ARAP2: variants seen among roughly 807,000 people sequenced by gnomAD.
ARAP2 encodes ArfGAP with RhoGAP domain, ankyrin repeat and PH domain 2.
In ARAP2, 148 loss-of-function variants were observed where a neutral mutation model predicts 194.5. The observed-to-expected ratio is 0.76, with a 90% CI of 0.67 to 0.87. The LOEUF (loss-of-function observed/expected upper bound fraction) is 0.87. Among genes scored for constraint, ARAP2 ranks in the 40% least tolerant of loss-of-function variants. ARAP2 has a pLI of 0.00. For missense variants in ARAP2, 2,128 were observed against 1,989.7 expected (o/e 1.07, Z -1.32); for synonymous variants, 695 against 683.5 (o/e 1.02, Z -0.26).
intron 2 of ARAP2, among the ~76,000 whole-genome samples, chr4:36,224,520 A>G (rs942069078): frequency 3.5e-4 from 54 of 152,280 alleles, no homozygotes; most frequent in African/African-American, 1.2e-3. Context: ...TTACAGAACT[A>G]CTGCAACACA....
intron 19 of ARAP2, among the ~76,000 whole-genome samples, chr4:36,143,840 C>T (rs12508885): frequency 0.032 from 4,925 of 151,868 alleles, 203 homozygotes; most frequent in East Asian, 0.12. Context: ...CACATGTAGA[C>T]GAAAACTTTC....
At chr4:36,169,198 G>A (rs1356977228) in intron 9 of ARAP2, among the ~76,000 whole-genome samples, 1 of 152,192 alleles carries the variant, frequency 6.6e-6, no homozygotes, top group Non-Finnish European at 1.5e-5. Context: ...TACGTGGACT[G>A]CATGTCCTTC....
chr4:36,230,326 A>G (rs1001422319), intron 1 of ARAP2, among the ~76,000 whole-genome samples: 1 of 152,240 alleles, frequency 6.6e-6, no homozygotes, highest in Non-Finnish European at 1.5e-5. Context: ...GAATATAACA[A>G]CTTTCCCTTT....
chr4:36,121,603 A>C (rs1722693688), intron 22 of ARAP2, among the ~76,000 whole-genome samples: 1 of 151,764 alleles, frequency 6.6e-6, no homozygotes, highest in African/African-American at 2.4e-5. Flanking sequence ...AAACAATTGC[A>C]AACTATAAAA....
At chr4:36,147,047 T>C (rs1247227096) in intron 19 of ARAP2, among the ~76,000 whole-genome samples, 1 of 152,092 alleles carries the variant, frequency 6.6e-6, no homozygotes, top group Non-Finnish European at 1.5e-5. Context: ...CAGAGGAATC[T>C]AGGTCTATAG....
At position 36,165,037 on chromosome 4, in the gene ARAP2, CAG is replaced by C. The variant is rs1734951773; in HGVS notation, c.2048_2049del (p.Ser683Ter). The C allele has an allele frequency of 1.2e-6, 2 of 1,614,088 alleles. No individual in the cohort carries two copies. The highest frequency in any genetic ancestry group is 1.1e-5 in the South Asian group (1 of 91,074). Reference protein sequence around the residue: ...AVQQSIAETLSDYEVAEKIWF... With the variant: ...AVQQSIAETLXDYEVAEKIWF... ...CAAATCTTCTCAGCTACTTCATAAT[CAG>C]AGAGAGTTTCTGCTATTGATTGCTG... On this transcript the variant is annotated frameshift_variant, in exon 11 of 33. Coordinates refer to ENST00000303965, the MANE Select transcript of ARAP2 (RefSeq NM_015230.4). LOFTEE classifies it high-confidence loss of function.
intron 21 of ARAP2, among the ~76,000 whole-genome samples, chr4:36,125,807 T>A (rs1462872835): frequency 6.6e-6 from 1 of 152,030 alleles, no homozygotes; most frequent in Non-Finnish European, 1.5e-5. Flanking sequence ...AAATCACTTG[T>A]GCTGACTTGG....
At chr4:36,051,866 T>C (rs1430181736) in intron 3 of ARAP2, 1 of 152,230 alleles carries the variant, frequency 6.6e-6, no homozygotes, top group African/African-American at 2.4e-5. Flanking sequence ...ATGCTGTTTG[T>C]GACGTGTGAC....
intron 3 of ARAP2, 141 bp from the exon 4 acceptor site, chr4:36,213,460 T>C: frequency 5.0e-6 from 3 of 598,522 alleles, no homozygotes; most frequent in Non-Finnish European, 5.9e-6. Context: ...ATTATGCTAA[T>C]TCTTATCCCC....
intron 8 of ARAP2, among the ~76,000 whole-genome samples, chr4:36,183,274 T>G (rs1246238113): frequency 7.9e-6 from 1 of 125,964 alleles, no homozygotes; most frequent in African/African-American, 2.9e-5. Flanking sequence ...CATTCTTATG[T>G]TCTTTTTAAA....
intron 2 of ARAP2, among the ~76,000 whole-genome samples, chr4:36,215,621 C>T (rs1463355407): frequency 1.3e-5 from 2 of 152,162 alleles, no homozygotes; most frequent in African/African-American, 4.8e-5. Flanking sequence ...ATGTCACGTA[C>T]TAGTGACAAG....
intron 9 of ARAP2, among the ~76,000 whole-genome samples, chr4:36,177,563 C>A (rs916876766): frequency 6.6e-6 from 1 of 152,030 alleles, no homozygotes; most frequent in African/African-American, 2.4e-5. Flanking sequence ...CTAAATAAGA[C>A]TTTTCAAAAA....
At position 36,214,413 on chromosome 4, in the gene ARAP2, T is replaced by C. The variant is rs561604279; in HGVS notation, c.964+9A>G. The C allele has an allele frequency of 3.7e-5, 59 of 1,593,210 alleles. No individual in the cohort carries two copies. The South Asian group carries it at 5.6e-4, about 15-fold the overall frequency. On this transcript the variant is annotated intron_variant, in intron 3 of 32. Coordinates refer to ENST00000303965, the MANE Select transcript of ARAP2 (RefSeq NM_015230.4). ...CTAATTTAAGGAGACATTAAACACA[T>C]AGACTCACTTTGCCATGCCACAGAT...
At chr4:36,225,033 AT>A (rs1749994328) in intron 2 of ARAP2, among the ~76,000 whole-genome samples, 1 of 152,194 alleles carries the variant, frequency 6.6e-6, no homozygotes. Context: ...AATATCCAAG[AT>A]TTTTATTTTT....
At chr4:36,104,366 A>T (rs1717822363) in intron 27 of ARAP2, among the ~76,000 whole-genome samples, 1 of 151,996 alleles carries the variant, frequency 6.6e-6, no homozygotes, top group African/African-American at 2.4e-5. Flanking sequence ...CAGAGAAATC[A>T]TATTTGATTT....
chr4:36,154,380 C>T (rs1731741952), intron 15 of ARAP2, among the ~76,000 whole-genome samples: 1 of 152,040 alleles, frequency 6.6e-6, no homozygotes, highest in African/African-American at 2.4e-5. Flanking sequence ...CTTCAAAATT[C>T]CTCAATGCTA....
At chr4:36,128,459 G>GTA in intron 21 of ARAP2, 74 bp downstream of exon 21, 1 of 858,230 alleles carries the variant, frequency 1.2e-6, no homozygotes, top group African/African-American at 1.8e-5. Flanking sequence ...AGGCAAGCAT[G>GTA]TATTATGGTC....
At position 36,134,830 on chromosome 4, in the gene ARAP2, T is replaced by C. The variant is rs1251108837; in HGVS notation, c.3264-1441A>G. ...TACTCCAAACCTTCCCCCAGAATTA[T>C]ACTCCAGGTAAAACTCCTTAACACT... On this transcript the variant is annotated intron_variant, in intron 19 of 32. Coordinates refer to ENST00000303965, the MANE Select transcript of ARAP2 (RefSeq NM_015230.4). Among the ~76,000 whole-genome samples, 3 of 151,562 alleles carry C rather than the reference T, an allele frequency of 2.0e-5. No homozygotes were observed. In the East Asian group the frequency reaches 5.8e-4, roughly 29 times the overall value.
intron 6 of ARAP2, among the ~76,000 whole-genome samples, chr4:36,204,987 C>CAAAAAAA (rs754960122): frequency 8.6e-5 from 3 of 35,084 alleles, no homozygotes; most frequent in Admixed American, 4.9e-4. Context: ...GACTCCATCT[C>CAAAAAAA]AAAAAAAAAA....
Sources: allele counts gnomAD v4.1 joint callset (sites outside exome capture counted in the v4.1 genomes callset), GRCh38; gene constraint gnomAD v4.1.1; transcripts MANE v1.5; gene names NCBI Gene and HGNC (gene_info 2026-07-23, HGNC 2026-07-21).